Variants in EIF5 observed in about 807,000 individuals in gnomAD.
EIF5 encodes the protein eukaryotic translation initiation factor 5.
A neutral mutation model predicts 48.3 loss-of-function variants in EIF5; 10 were observed. The observed-to-expected ratio is 0.21, with a 90% CI of 0.13 to 0.35. The LOEUF (loss-of-function observed/expected upper bound fraction) is 0.35. EIF5 is among the 10% of genes least tolerant of loss of function. The pLI, the probability that EIF5 is intolerant of heterozygous loss-of-function variation, is 1.00. For synonymous variants in EIF5, 237 were observed against 173.1 expected (o/e 1.37, Z -2.90); for missense variants, 397 against 533.2 (o/e 0.74, Z 2.51).
rs902976738 is a variant in EIF5, at chr14:103,344,757, G to T, written c.*3705G>T. On this transcript the variant is annotated 3_prime_UTR_variant, in exon 12 of 12. Coordinates refer to ENST00000216554, the MANE Select transcript of EIF5 (RefSeq NM_001969.5). ...AGTAGAAAACACAATTAACTAAAAA[G>T]CAGGGACATCTGAAAGAGACGTATT... 1.3e-5 allele frequency: 2 copies of T among 152,092 alleles called. No homozygotes were observed. Among genetic ancestry groups the T allele is most frequent in the African/African-American group, 2.4e-5 (1 of 41,420 alleles). The allele number at this position is 152,092 out of a possible 1,614,324, so 9.4% of individuals were successfully genotyped here.
intron 11 of EIF5, 123 bp from the exon 12 acceptor site, chr14:103,340,840 T>C: frequency 9.8e-7 from 1 of 1,024,752 alleles, no homozygotes; most frequent in Non-Finnish European, 1.5e-6. Flanking sequence ...ATAACAGAGC[T>C]GTTCCGTGAA....
rs1436322067 is a variant in EIF5 at position 103,341,553 on chromosome 14, A to C, written c.*501A>C. 6.4e-6 allele frequency: 1 copy of C among 155,714 alleles called. No homozygotes were observed. The highest frequency in any genetic ancestry group is 1.4e-5 in the Non-Finnish European group (1 of 69,924). 9.6% of individuals were successfully genotyped at this position (155,714 alleles called of 1,614,324 possible). A position where few individuals can be genotyped will look rare whatever the true frequency, so the allele number is the denominator to read the frequency against. On this transcript the variant is annotated 3_prime_UTR_variant, in exon 12 of 12. Coordinates refer to ENST00000216554, the MANE Select transcript of EIF5 (RefSeq NM_001969.5). Reference sequence around the variant, plus strand: ...TTATTCAGCCCATTAAGAAAGTACTAAAGTTTTATCTCTGTAGTTCCTCAA... The same window carrying C: ...TTATTCAGCCCATTAAGAAAGTACTCAAGTTTTATCTCTGTAGTTCCTCAA...
chr14:103,337,723 T>C (rs2089304624), intron 6 of EIF5: 1 of 413,352 alleles, frequency 2.4e-6, no homozygotes, highest in Non-Finnish European at 4.7e-6. Flanking sequence ...AACTGTGCCA[T>C]ATCAATTAAG....
Position 103,335,751 on chromosome 14 carries a change from G to C in EIF5, c.-110G>C. On this transcript the variant is annotated 5_prime_UTR_variant, in exon 3 of 12. Coordinates refer to ENST00000216554, the MANE Select transcript of EIF5 (RefSeq NM_001969.5). ...CGAAAATTTTTTCATGTCAGAGACCGAGAACTCTTGCAGTCGTTTATGTCA... is the reference window on the plus strand; with the variant it reads ...CGAAAATTTTTTCATGTCAGAGACCCAGAACTCTTGCAGTCGTTTATGTCA... 7.6e-7 allele frequency: 1 copy of C among 1,311,692 alleles called. No individual in the cohort carries two copies. The highest frequency in any genetic ancestry group is 1.1e-6 in the Non-Finnish European group (1 of 921,568). 81.3% of individuals were successfully genotyped at this position (1,311,692 alleles called of 1,614,324 possible).
Position 103,344,185 on chromosome 14 carries a change from C to G in EIF5, c.*3133C>G, listed in dbSNP as rs2089386190. 1 of 152,174 alleles carries G rather than the reference C, an allele frequency of 6.6e-6. No individual in the cohort carries two copies. Among genetic ancestry groups the G allele is most frequent in the African/African-American group, 2.4e-5 (1 of 41,430 alleles). The allele number at this position is 152,174 out of a possible 1,614,324, so 9.4% of individuals were successfully genotyped here. ...CAGGTAGTCTCATTGTAGGTTTGTG[C>G]ACCAGAGTGACCCTGTGAGCCTTTG... On this transcript the variant is annotated 3_prime_UTR_variant, in exon 12 of 12. Coordinates refer to ENST00000216554, the MANE Select transcript of EIF5 (RefSeq NM_001969.5).
intron 6 of EIF5, 48 bp downstream of exon 6, chr14:103,337,275 CTGT>C: frequency 6.8e-7 from 1 of 1,478,102 alleles, no homozygotes; most frequent in South Asian, 1.2e-5. Context: ...AAGTTACTAA[CTGT>C]TGGGAACAAA....
chr14:103,340,628 T>C lies in EIF5; in HGVS notation c.1206+67T>C, dbSNP rs527712283. On this transcript the variant is annotated intron_variant, in intron 11 of 11. Transcript: ENST00000216554. Reference sequence around the variant, plus strand: ...TGGGTGTTTGAGATTTAAAAAGGTTTGTGAGGAGTGATATAATGGCAGTTT... The same window carrying C: ...TGGGTGTTTGAGATTTAAAAAGGTTCGTGAGGAGTGATATAATGGCAGTTT... 3.7e-5 allele frequency: 57 copies of C among 1,557,104 alleles called. No individual in the cohort carries two copies. The Middle Eastern group carries it at 1.0e-3, about 28-fold the overall frequency.
intron 6 of EIF5, 131 bp from the exon 7 acceptor site, chr14:103,338,196 C>A: frequency 1.6e-6 from 2 of 1,246,758 alleles, no homozygotes; most frequent in South Asian, 1.5e-5. Context: ...TCTTAGGTAG[C>A]ATTGTGTGTG....
intron 11 of EIF5, 142 bp from the exon 12 acceptor site, chr14:103,340,821 A>G: frequency 2.2e-6 from 2 of 924,804 alleles, no homozygotes; most frequent in Non-Finnish European, 3.3e-6. Context: ...GAGAACTTGC[A>G]GTGTTTGCAT....
rs996549117 is a variant in EIF5, at chr14:103,344,937, G to T, written c.*3885G>T. The T allele has an allele frequency of 1.3e-5, 2 of 152,122 alleles. No individual in the cohort carries two copies. The highest frequency in any genetic ancestry group is 2.9e-5 in the Non-Finnish European group (2 of 68,018). The allele number at this position is 152,122 out of a possible 1,614,324, so 9.4% of individuals were successfully genotyped here. The stretch of plus-strand genomic sequence containing the variant: ...AAAGATGTTGAAAGGATGAAAAAAG[G>T]TATAGTAGACATACACTAACCAAAA... On this transcript the variant is annotated 3_prime_UTR_variant, in exon 12 of 12. Coordinates refer to ENST00000216554, the MANE Select transcript of EIF5 (RefSeq NM_001969.5).
In EIF5 at chr14:103,342,261, G is replaced by T. The variant is rs1169033060; in HGVS notation, c.*1209G>T. On this transcript the variant is annotated 3_prime_UTR_variant, in exon 12 of 12. Coordinates refer to ENST00000216554, the MANE Select transcript of EIF5 (RefSeq NM_001969.5). ...TTTTACTTCACATTGAATATAGCCA[G>T]GCACCCAAGAAGTCTGATGGCCACC... is the stretch of plus-strand genomic sequence containing the variant. 1.3e-5 allele frequency: 2 copies of T among 152,258 alleles called. No homozygotes were observed. The highest frequency in any genetic ancestry group is 4.8e-5 in the African/African-American group (2 of 41,388). The allele number at this position is 152,258 out of a possible 1,614,324, so 9.4% of individuals were successfully genotyped here. A position where few individuals can be genotyped will look rare whatever the true frequency, so the allele number is the denominator to read the frequency against.
In EIF5 at chr14:103,335,924, A is replaced by C. The variant is rs1476520888; in HGVS notation, c.64A>C (p.Ile22Leu). The change falls in exon 3 of 12, where the codon ATT becomes CTT. Residue 22 changes from isoleucine to leucine, a missense_variant. By Grantham distance (5) the Ile-to-Leu change is conservative (BLOSUM62 2). This residue lies in a region of EIF5 where 108 missense variants were observed against 188.3 expected (regional missense o/e 0.57). Transcript: ENST00000216554. ...CTATCGCTACAAGATGCCCCGTCTG[A>C]TTGCCAAGGTAATAAACTGCTCTTC... ...QFYRYKMPRL[I>L]AKVEGKGNGI... is the part of the protein sequence containing the mutation. 2 of 1,614,078 alleles carry C rather than the reference A, an allele frequency of 1.2e-6. No homozygotes were observed. The highest frequency in any genetic ancestry group is 2.7e-5 in the African/African-American group (2 of 74,942).
In EIF5 at chr14:103,341,085, T is replaced by C. The variant is rs1301374598; in HGVS notation, c.*33T>C. Reference sequence around the variant, plus strand: ...GATGCAACCTAGCTTAACAGTATAATGCTGCAAATTTTCCTCCATTATCAG... The same window carrying C: ...GATGCAACCTAGCTTAACAGTATAACGCTGCAAATTTTCCTCCATTATCAG... On this transcript the variant is annotated 3_prime_UTR_variant, in exon 12 of 12. Coordinates refer to ENST00000216554, the MANE Select transcript of EIF5 (RefSeq NM_001969.5). 6.9e-6 allele frequency: 11 copies of C among 1,604,082 alleles called. No individual in the cohort carries two copies. Among genetic ancestry groups the C allele is most frequent in the Non-Finnish European group, 6.0e-6 (7 of 1,171,608 alleles).
At position 103,335,640 on chromosome 14, in the gene EIF5, C is replaced by G. The variant is rs893424879; in HGVS notation, c.-208-13C>G. 37 of 565,312 alleles carry G rather than the reference C, an allele frequency of 6.5e-5. No homozygotes were observed. Among genetic ancestry groups the G allele is most frequent in the African/African-American group, 6.4e-4 (34 of 53,332 alleles). The allele number at this position is 565,312 out of a possible 1,614,324, so 35.0% of individuals were successfully genotyped here. ...GGGGGGATTTTTGTGTGTTCTTTCC[C>G]TTTTTCTTTCAGAGCTGTTGCGCAG... On this transcript the variant is annotated splice_polypyrimidine_tract_variant and intron_variant, in intron 2 of 11. Transcript: ENST00000216554.
At chr14:103,340,091 A>G (rs1306810465) in intron 10 of EIF5, among the ~76,000 whole-genome samples, 1 of 152,196 alleles carries the variant, frequency 6.6e-6, no homozygotes, top group Non-Finnish European at 1.5e-5. Context: ...ACCTGACCTC[A>G]GGTGATCCAC....
At chr14:103,337,792 T>G (rs185024481) in intron 6 of EIF5, 55 of 464,036 alleles carry the variant, frequency 1.2e-4, no homozygotes, top group African/African-American at 9.1e-4. Flanking sequence ...CCAGCAAAGT[T>G]TCTTTTACTG....
At chr14:103,335,350 C>G (rs1398226011) in intron 2 of EIF5, 1 of 157,322 alleles carries the variant, frequency 6.4e-6, no homozygotes, top group African/African-American at 2.4e-5. Context: ...AGGATGGCCG[C>G]AGAGGCAAAC....
At chr14:103,337,662 C>T in intron 6 of EIF5, 1 of 336,614 alleles carries the variant, frequency 3.0e-6, no homozygotes, top group Non-Finnish European at 5.8e-6. Context: ...AGACATCTTT[C>T]AAAAGTGTAT....
intron 9 of EIF5, 96 bp from the exon 10 acceptor site, chr14:103,339,543 T>C (rs539920522): frequency 6.4e-7 from 1 of 1,560,656 alleles, no homozygotes; most frequent in East Asian, 2.2e-5. Context: ...AACTATGGTA[T>C]GGGCCATGCA....
Sources: gnomAD v4.1 joint callset for allele counts (sites outside exome capture counted in the v4.1 genomes callset) on GRCh38, gnomAD v4.1.1 for gene constraint, gnomAD v4.1.1 regional missense constraint, MANE v1.5 for transcripts, NCBI Gene and HGNC (gene_info 2026-07-23, HGNC 2026-07-21) for gene names.